Variants in CSGALNACT1 observed in about 807,000 individuals in gnomAD.
CSGALNACT1 encodes beta4GalNAcT-1.
CSGALNACT1 carries 52 observed loss-of-function variants against 51.0 expected under a neutral mutation model. The observed-to-expected ratio is 1.02, with a 90% CI of 0.82 to 1.29. The LOEUF (loss-of-function observed/expected upper bound fraction) is 1.29. CSGALNACT1 is among the 50% of genes most tolerant of loss of function. The pLI, the probability that CSGALNACT1 is intolerant of heterozygous loss-of-function variation, is 0.00. For synonymous variants in CSGALNACT1, 341 were observed against 254.4 expected (o/e 1.34, Z -3.24); for missense variants, 935 against 679.2 (o/e 1.38, Z -4.19).
At position 19,541,311 on chromosome 8, in the gene CSGALNACT1, C is replaced by T. The variant is rs566178759; in HGVS notation, c.-296-35181G>A. ...AGTCACCTAGGCTGGAGTGCACTGGCGTGATCTCGGCTCACTGCAAGCTCT... is the reference window on the plus strand; with the variant it reads ...AGTCACCTAGGCTGGAGTGCACTGGTGTGATCTCGGCTCACTGCAAGCTCT... On this transcript the variant is annotated intron_variant, in intron 3 of 9. Transcript: ENST00000454498. Among the ~76,000 whole-genome samples the T allele has an allele frequency of 2.2e-3, 306 of 142,276 alleles. 5 individuals are homozygous for T. Among genetic ancestry groups the T allele is most frequent in the African/African-American group, 7.9e-3 (296 of 37,480 alleles). The allele number at this position is 142,276 out of a possible 152,430, so 93.3% of individuals were successfully genotyped here.
intron 1 of CSGALNACT1, among the ~76,000 whole-genome samples, chr8:19,743,985 T>C (rs993201601): frequency 1.3e-5 from 2 of 152,080 alleles, no homozygotes; most frequent in Non-Finnish European, 2.9e-5. Flanking sequence ...AGACAAATGA[T>C]CCAGAAAGCT....
Position 19,491,914 on chromosome 8 carries a change from T to G in CSGALNACT1, c.634+13287A>C, listed in dbSNP as rs994210335. On this transcript the variant is annotated intron_variant, in intron 4 of 9. Transcript: ENST00000454498. The stretch of plus-strand genomic sequence containing the variant: ...ATTAGCAATTTTTCAAGCATTGCAG[T>G]GCAAATTAGTATGTGGGTAGAGGTT... 8.5e-5 allele frequency among the ~76,000 whole-genome samples: 13 copies of G among 152,346 alleles called. 1 individual carries two copies. Among genetic ancestry groups the G allele is most frequent in the Admixed American group, 8.5e-4 (13 of 15,308 alleles).
intron 1 of CSGALNACT1, among the ~76,000 whole-genome samples, chr8:19,647,976 C>CA (rs1245749072): frequency 2.0e-5 from 3 of 152,160 alleles, no homozygotes; most frequent in Non-Finnish European, 4.4e-5. Flanking sequence ...CAAGGCACTT[C>CA]AAGGAGCATC....
chr8:19,412,712 T>C lies in CSGALNACT1; in HGVS notation c.1228-4018A>G, dbSNP rs1406368991. 2.0e-5 allele frequency among the ~76,000 whole-genome samples: 3 copies of C among 152,176 alleles called. No individual in the cohort carries two copies. In the East Asian group the frequency reaches 5.8e-4, roughly 29 times the overall value. ...CTGTTGTGAAATTTGTAATACCTTT[T>C]GATCAGGGGCTCACATTTTCATCTT... On this transcript the variant is annotated intron_variant, in intron 8 of 9. Transcript: ENST00000454498.
At chr8:19,613,556 C>T (rs1216531468) in intron 1 of CSGALNACT1, among the ~76,000 whole-genome samples, 2 of 152,186 alleles carry the variant, frequency 1.3e-5, no homozygotes, top group African/African-American at 4.8e-5. Flanking sequence ...TTCAATTAGC[C>T]ATCTTTCAGC....
chr8:19,443,231 T>C lies in CSGALNACT1; in HGVS notation c.852-3300A>G, dbSNP rs570772458. The stretch of plus-strand genomic sequence containing the variant: ...ACGGTTTAGTTCATTTATGTATATG[T>C]GTATGTATGTAAACGCAGGTGTGTA... On this transcript the variant is annotated intron_variant, in intron 5 of 9. Transcript: ENST00000454498. Among the ~76,000 whole-genome samples the C allele has an allele frequency of 8.7e-4, 132 of 152,316 alleles. 1 individual carries two copies. Among genetic ancestry groups the C allele is most frequent in the African/African-American group, 3.1e-3 (129 of 41,584 alleles).
At chr8:19,556,511 C>T (rs373524458) in intron 3 of CSGALNACT1, among the ~76,000 whole-genome samples, 1 of 152,170 alleles carries the variant, frequency 6.6e-6, no homozygotes, top group Middle Eastern at 3.4e-3. Context: ...TTGGCTTTGG[C>T]ATCAATTCAG....
intron 1 of CSGALNACT1, among the ~76,000 whole-genome samples, chr8:19,732,054 A>G (rs2063723304): frequency 6.6e-6 from 1 of 152,236 alleles, no homozygotes; most frequent in African/African-American, 2.4e-5. Context: ...CTTACAATCA[A>G]TTCTAAATCC....
intron 3 of CSGALNACT1, among the ~76,000 whole-genome samples, chr8:19,589,927 A>G (rs2047436374): frequency 6.6e-6 from 1 of 152,242 alleles, no homozygotes; most frequent in Non-Finnish European, 1.5e-5. Flanking sequence ...CTTATCACAT[A>G]CATAGTGTAG....
chr8:19,668,758 G>A (rs2059571478), intron 1 of CSGALNACT1, among the ~76,000 whole-genome samples: 2 of 152,084 alleles, frequency 1.3e-5, no homozygotes, highest in African/African-American at 2.4e-5. Flanking sequence ...TCACCATGTT[G>A]CCCAGGCTGG....
At chr8:19,743,721 T>C (rs1415499908) in intron 1 of CSGALNACT1, among the ~76,000 whole-genome samples, 1 of 152,250 alleles carries the variant, frequency 6.6e-6, no homozygotes, top group Non-Finnish European at 1.5e-5. Flanking sequence ...TATATTTTTA[T>C]GATTTAAAGC....
intron 1 of CSGALNACT1, among the ~76,000 whole-genome samples, chr8:19,696,321 T>G (rs2061580630): frequency 6.6e-6 from 1 of 152,238 alleles, no homozygotes; most frequent in Non-Finnish European, 1.5e-5. Flanking sequence ...CATATTTTTT[T>G]AAGTCATGCA....
At chr8:19,640,045 C>T (rs1375141186) in intron 1 of CSGALNACT1, among the ~76,000 whole-genome samples, 1 of 151,840 alleles carries the variant, frequency 6.6e-6, no homozygotes, top group Non-Finnish European at 1.5e-5. Context: ...CATGCCCATT[C>T]AACCAAGCTC....
chr8:19,561,700 C>T (rs551310383), intron 3 of CSGALNACT1, among the ~76,000 whole-genome samples: 1 of 152,178 alleles, frequency 6.6e-6, no homozygotes, highest in Non-Finnish European at 1.5e-5. Flanking sequence ...TTCTTTTACC[C>T]CTCTGACCTT....
intron 1 of CSGALNACT1, among the ~76,000 whole-genome samples, chr8:19,681,806 C>G (rs2060641023): frequency 6.6e-6 from 1 of 152,192 alleles, no homozygotes. Flanking sequence ...TCAGAAGGCA[C>G]TGCTCACACC....
intron 3 of CSGALNACT1, among the ~76,000 whole-genome samples, chr8:19,518,386 A>T (rs1035816083): frequency 6.6e-6 from 1 of 152,166 alleles, no homozygotes; most frequent in Non-Finnish European, 1.5e-5. Context: ...AGCAACCTGT[A>T]CTGTAAGGAC....
At chr8:19,605,927 C>T (rs542573815), upstream of CSGALNACT1, among the ~76,000 whole-genome samples, 173 of 152,210 alleles carry the variant, frequency 1.1e-3, 1 homozygote, top group Non-Finnish European at 2.1e-3. Context: ...TAATGTACAA[C>T]TAATAAGTGA....
At chr8:19,709,448 T>C (rs144384967) in intron 1 of CSGALNACT1, among the ~76,000 whole-genome samples, 19 of 152,128 alleles carry the variant, frequency 1.2e-4, no homozygotes, top group African/African-American at 4.3e-4. Context: ...AGCAAGGAAA[T>C]AAGTAGGATG....
At chr8:19,469,465 G>T (rs2067571678) in intron 4 of CSGALNACT1, among the ~76,000 whole-genome samples, 1 of 152,148 alleles carries the variant, frequency 6.6e-6, no homozygotes, top group Non-Finnish European at 1.5e-5. Context: ...TCCACAGGTA[G>T]TCTTATCAAT....
Sources: allele counts gnomAD v4.1 joint callset (sites outside exome capture counted in the v4.1 genomes callset), GRCh38; gene constraint gnomAD v4.1.1; transcripts MANE v1.5; gene names NCBI Gene and HGNC (gene_info 2026-07-23, HGNC 2026-07-21).